CADM2: variants seen among roughly 807,000 people sequenced by gnomAD.
CADM2 encodes cell adhesion molecule 2, also known as immunoglobulin superfamily member 4D.
Under a neutral mutation model 49.8 loss-of-function variants are expected in CADM2, and 12 were observed. The ratio of observed to expected loss-of-function variants is 0.24; its 90% CI spans 0.15 to 0.39. CADM2 has a LOEUF of 0.39. Ranked by LOEUF, CADM2 falls within the 10% of genes least tolerant of loss-of-function variation. The pLI, the probability that CADM2 is intolerant of heterozygous loss-of-function variation, is 1.00. For missense variants in CADM2, 378 were observed against 492.3 expected, an observed-to-expected ratio of 0.77 and a Z score of 2.20; for synonymous variants, 214 against 175.4, an observed-to-expected ratio of 1.22 and a Z score of -1.74.
chr3:85,175,053 G>A (rs2040741197), intron 1 of CADM2, among the ~76,000 whole-genome samples: 1 of 152,086 alleles, frequency 6.6e-6, no homozygotes, highest in Non-Finnish European at 1.5e-5. Context: ...TTAGCAAAAT[G>A]CAAAACAAAA....
At position 86,071,432 on chromosome 3, in the gene CADM2, A is replaced by G. The variant is rs1313156982; in HGVS notation, c.*4649A>G. 1.3e-5 allele frequency: 2 copies of G among 151,852 alleles called. No homozygotes were observed. Among genetic ancestry groups the G allele is most frequent in the Non-Finnish European group, 2.9e-5 (2 of 67,822 alleles). The allele number at this position is 151,852 out of a possible 1,614,324, so 9.4% of individuals were successfully genotyped here. ...AAGATAATAAAGAGAGTTAAAGGGG[A>G]CAACATATAACAATGGGTTCTAAAA... On this transcript the variant is annotated 3_prime_UTR_variant, in exon 10 of 10. Transcript: ENST00000383699.
intron 1 of CADM2, among the ~76,000 whole-genome samples, chr3:85,284,561 G>T (rs1196784747): frequency 6.6e-6 from 1 of 152,086 alleles, no homozygotes; most frequent in Admixed American, 6.6e-5. Context: ...AAGACTTGAA[G>T]TTTTTAATGA....
At chr3:85,065,434 C>A (rs2036494301) in intron 1 of CADM2, among the ~76,000 whole-genome samples, 1 of 151,900 alleles carries the variant, frequency 6.6e-6, no homozygotes, top group Non-Finnish European at 1.5e-5. Flanking sequence ...AATCATTTTT[C>A]TTTCTGGTTC....
At chr3:86,026,031 T>C (rs530516585) in intron 8 of CADM2, among the ~76,000 whole-genome samples, 1 of 152,256 alleles carries the variant, frequency 6.6e-6, no homozygotes, top group African/African-American at 2.4e-5. Context: ...ATAAATATAT[T>C]AATACTGATA....
chr3:86,054,125 T>A (rs190187216), intron 8 of CADM2, among the ~76,000 whole-genome samples: 2 of 152,144 alleles, frequency 1.3e-5, no homozygotes, highest in East Asian at 3.9e-4. Context: ...TCAGAGAACA[T>A]CTATTTAAGC....
intron 8 of CADM2, among the ~76,000 whole-genome samples, chr3:86,056,035 A>C (rs1463540077): frequency 6.6e-6 from 1 of 152,186 alleles, no homozygotes; most frequent in Non-Finnish European, 1.5e-5. Context: ...ATGGTAATCC[A>C]TGGCAATCCA....
At chr3:85,680,443 A>C (rs527803940) in intron 1 of CADM2, among the ~76,000 whole-genome samples, 1 of 152,310 alleles carries the variant, frequency 6.6e-6, no homozygotes, top group South Asian at 2.1e-4. Context: ...TATCCCATAT[A>C]ATCCGTCTCC....
intron 1 of CADM2, among the ~76,000 whole-genome samples, chr3:85,675,450 G>T (rs1249989267): frequency 6.6e-6 from 1 of 152,134 alleles, no homozygotes; most frequent in Non-Finnish European, 1.5e-5. Flanking sequence ...TGTTAAAAAA[G>T]ATCATGAATC....
intron 1 of CADM2, among the ~76,000 whole-genome samples, chr3:85,161,986 G>A (rs1454823085): frequency 5.3e-5 from 8 of 151,990 alleles, no homozygotes; most frequent in South Asian, 2.1e-4. Flanking sequence ...TCCAGACTCC[G>A]CAACAAGAGC....
chr3:85,218,689 G>A (rs546705957), intron 1 of CADM2, among the ~76,000 whole-genome samples: 13 of 152,086 alleles, frequency 8.5e-5, no homozygotes, highest in Non-Finnish European at 1.9e-4. Context: ...CCAGCTACTC[G>A]GGAGGCTGAA....
At chr3:85,708,593 C>T (rs1291020143) in intron 1 of CADM2, among the ~76,000 whole-genome samples, 1 of 152,098 alleles carries the variant, frequency 6.6e-6, no homozygotes, top group Non-Finnish European at 1.5e-5. Flanking sequence ...CACTGTAAGT[C>T]TTTAACATAA....
At chr3:85,323,119 T>A (rs2044660161) in intron 1 of CADM2, among the ~76,000 whole-genome samples, 2 of 152,138 alleles carry the variant, frequency 1.3e-5, no homozygotes, top group Admixed American at 6.5e-5. Context: ...AGAGCTCCCA[T>A]CTTCTTGGAA....
At chr3:85,321,875 G>A (rs1436446056) in intron 1 of CADM2, among the ~76,000 whole-genome samples, 1 of 152,102 alleles carries the variant, frequency 6.6e-6, no homozygotes, top group Non-Finnish European at 1.5e-5. Context: ...TTGTATTTCT[G>A]TTATATTTTT....
intron 1 of CADM2, among the ~76,000 whole-genome samples, chr3:85,290,129 G>C (rs535868989): frequency 5.3e-5 from 8 of 152,290 alleles, no homozygotes; most frequent in African/African-American, 1.9e-4. Flanking sequence ...CTTCACTTGG[G>C]AAGCGCAAGG....
At chr3:85,165,286 C>T (rs2040439538) in intron 1 of CADM2, among the ~76,000 whole-genome samples, 1 of 151,764 alleles carries the variant, frequency 6.6e-6, no homozygotes, top group Non-Finnish European at 1.5e-5. Flanking sequence ...TTCCGCAAAG[C>T]TTAGAAAGCA....
At chr3:85,811,855 A>ATT (rs1434521167) in intron 3 of CADM2, among the ~76,000 whole-genome samples, 3 of 128,248 alleles carry the variant, frequency 2.3e-5, no homozygotes, top group African/African-American at 1.0e-4. Context: ...AAATGCCTTG[A>ATT]TGTTTTTTTT....
At chr3:85,450,546 T>C (rs1471350724) in intron 1 of CADM2, among the ~76,000 whole-genome samples, 3 of 152,002 alleles carry the variant, frequency 2.0e-5, no homozygotes, top group Non-Finnish European at 2.9e-5. Context: ...AAGTACAATA[T>C]AGAATGAATG....
At chr3:85,376,494 A>C (rs1284652585) in intron 1 of CADM2, among the ~76,000 whole-genome samples, 1 of 152,116 alleles carries the variant, frequency 6.6e-6, no homozygotes, top group Non-Finnish European at 1.5e-5. Context: ...TCTTAAAACT[A>C]AGCCATTGAA....
At chr3:85,975,153 A>G (rs1726620040) in intron 8 of CADM2, among the ~76,000 whole-genome samples, 1 of 151,452 alleles carries the variant, frequency 6.6e-6, no homozygotes, top group Admixed American at 6.6e-5. Context: ...ATCTGTATGA[A>G]TTCATTTCAT....
Sources: allele counts gnomAD v4.1 joint callset (sites outside exome capture counted in the v4.1 genomes callset), GRCh38; gene constraint gnomAD v4.1.1; transcripts MANE v1.5; gene names NCBI Gene and HGNC (gene_info 2026-07-23, HGNC 2026-07-21).